Variants in KCNU1 observed in about 807,000 individuals in gnomAD.
The protein encoded by KCNU1 is potassium calcium-activated channel subfamily U member 1.
A neutral mutation model predicts 126.8 loss-of-function variants in KCNU1; 93 were observed. The ratio of observed to expected loss-of-function variants is 0.73; its 90% CI spans 0.62 to 0.87. The LOEUF (loss-of-function observed/expected upper bound fraction) is 0.87, where lower values mean the gene tolerates loss of function less well. KCNU1 is among the 40% of genes least tolerant of loss of function. The probability of loss-of-function intolerance (pLI) is 0.00; values close to 1 mark genes in which losing one functional copy is unlikely to be tolerated. For missense variants in KCNU1, 1,330 were observed against 1,367.1 expected (o/e 0.97, Z 0.43); for synonymous variants, 523 against 494.2 (o/e 1.06, Z -0.77).
chr8:36,825,548 A>C (rs1804287311), intron 10 of KCNU1, among the ~76,000 whole-genome samples: 1 of 152,120 alleles, frequency 6.6e-6, no homozygotes, highest in African/African-American at 2.4e-5. Flanking sequence ...AAAGTAGAAA[A>C]ATTTTGGTAT....
In KCNU1 at chr8:36,847,984, GTTTT is replaced by G. The variant is rs925593703; in HGVS notation, c.1891+2088_1891+2091del. 1.6e-3 allele frequency among the ~76,000 whole-genome samples: 247 copies of G among 152,086 alleles called. 2 individuals carry two copies. Among genetic ancestry groups the G allele is most frequent in the African/African-American group, 4.6e-3 (189 of 41,508 alleles). On this transcript the variant is annotated intron_variant, in intron 18 of 26. Transcript: ENST00000399881. The stretch of plus-strand genomic sequence containing the variant: ...TTGTCAGCATCTATTGTTTTGTTTT[GTTTT>G]TTGTCTTTTTCATGATAGTCATTGT...
At chr8:36,893,410 C>A (rs1019429708) in intron 19 of KCNU1, among the ~76,000 whole-genome samples, 5 of 151,210 alleles carry the variant, frequency 3.3e-5, no homozygotes, top group Non-Finnish European at 7.4e-5. Flanking sequence ...TTTTAAAATG[C>A]CTCCGGAAAA....
chr8:36,841,404 G>A (rs1259571567), intron 16 of KCNU1, among the ~76,000 whole-genome samples: 1 of 152,120 alleles, frequency 6.6e-6, no homozygotes, highest in Non-Finnish European at 1.5e-5. Flanking sequence ...GCAAAGTAAA[G>A]AACAATGCTG....
intron 18 of KCNU1, among the ~76,000 whole-genome samples, chr8:36,854,255 T>C (rs1006397496): frequency 2.0e-5 from 3 of 152,116 alleles, no homozygotes; most frequent in Non-Finnish European, 4.4e-5. Context: ...TGTAGATTAA[T>C]GTTTTTCAAC....
chr8:36,892,287 A>T (rs1322412720), intron 19 of KCNU1, among the ~76,000 whole-genome samples: 1 of 152,028 alleles, frequency 6.6e-6, no homozygotes, highest in African/African-American at 2.4e-5. Flanking sequence ...TGTACTTCTT[A>T]ACTCCAGAAT....
chr8:36,905,930 A>G, intron 20 of KCNU1, 126 bp downstream of exon 20: 1 of 562,266 alleles, frequency 1.8e-6, no homozygotes, highest in Non-Finnish European at 3.2e-6. Flanking sequence ...AAAAAAGAAA[A>G]AAACCCACAT....
chr8:36,785,935 CA>C (rs1266649812), intron 1 of KCNU1, among the ~76,000 whole-genome samples: 1 of 152,044 alleles, frequency 6.6e-6, no homozygotes, highest in Non-Finnish European at 1.5e-5. Context: ...AAATATTTAG[CA>C]AATGTTACAA....
intron 24 of KCNU1, among the ~76,000 whole-genome samples, chr8:36,929,195 A>C (rs1410062129): frequency 6.6e-6 from 1 of 152,080 alleles, no homozygotes; most frequent in Non-Finnish European, 1.5e-5. Context: ...CAGCATGGCC[A>C]ACATGGCAAA....
intron 10 of KCNU1, among the ~76,000 whole-genome samples, chr8:36,820,504 T>C (rs567344765): frequency 9.6e-4 from 145 of 151,446 alleles, no homozygotes; most frequent in Non-Finnish European, 1.5e-3. Context: ...AGCAATAATA[T>C]GGAAGACAGG....
At chr8:36,800,058 T>G (rs979552782) in intron 2 of KCNU1, among the ~76,000 whole-genome samples, 1 of 152,156 alleles carries the variant, frequency 6.6e-6, no homozygotes, top group Non-Finnish European at 1.5e-5. Flanking sequence ...CAGTATAATA[T>G]CCTCTCAAAT....
intron 2 of KCNU1, among the ~76,000 whole-genome samples, chr8:36,790,979 A>G (rs936235647): frequency 2.7e-5 from 4 of 149,526 alleles, no homozygotes; most frequent in African/African-American, 5.0e-5. Context: ...ATAAGGAGGA[A>G]GAGGAAAATA....
intron 10 of KCNU1, among the ~76,000 whole-genome samples, chr8:36,826,155 T>A (rs1406661585): frequency 6.6e-6 from 1 of 151,708 alleles, no homozygotes; most frequent in South Asian, 2.1e-4. Flanking sequence ...AGCCTTTTTC[T>A]TTTTTATTGT....
chr8:36,863,692 G>A (rs762420151), intron 18 of KCNU1, among the ~76,000 whole-genome samples: 43 of 152,108 alleles, frequency 2.8e-4, no homozygotes, highest in Non-Finnish European at 5.4e-4. Flanking sequence ...CTGCATGATT[G>A]TATATCAACA....
intron 22 of KCNU1, among the ~76,000 whole-genome samples, chr8:36,918,484 G>A (rs1198066696): frequency 2.0e-5 from 3 of 151,800 alleles, no homozygotes; most frequent in Non-Finnish European, 2.9e-5. Context: ...GAGCTCAGGA[G>A]TTGGAGCCTG....
chr8:36,891,219 T>A (rs1371814384), intron 19 of KCNU1, among the ~76,000 whole-genome samples: 1 of 151,996 alleles, frequency 6.6e-6, no homozygotes, highest in Non-Finnish European at 1.5e-5. Context: ...TATTAGTGGT[T>A]GCCTTGGAGA....
At chr8:36,841,045 T>TG (rs746955783) in intron 16 of KCNU1, 42 bp downstream of exon 16, 9 of 1,289,896 alleles carry the variant, frequency 7.0e-6, no homozygotes, top group South Asian at 2.6e-5. Flanking sequence ...TTTTTTTTTT[T>TG]TTTTTTTTTT....
chr8:36,830,196 G>A (rs1804480898), intron 10 of KCNU1, among the ~76,000 whole-genome samples: 1 of 150,788 alleles, frequency 6.6e-6, no homozygotes, highest in Admixed American at 6.6e-5. Flanking sequence ...TTAGAAAGAA[G>A]GAAATAAACT....
At chr8:36,929,379 C>A (rs1314134640) in intron 24 of KCNU1, among the ~76,000 whole-genome samples, 3 of 122,224 alleles carry the variant, frequency 2.5e-5, no homozygotes, top group Admixed American at 9.6e-5. Context: ...CAGAGTGAGA[C>A]CCTGTCTCAA....
chr8:36,854,662 T>G (rs1805470007), intron 18 of KCNU1, among the ~76,000 whole-genome samples: 1 of 152,160 alleles, frequency 6.6e-6, no homozygotes, highest in African/African-American at 2.4e-5. Flanking sequence ...TTTAAAGCTC[T>G]TCAAATATAT....
Sources: allele counts gnomAD v4.1 joint callset (sites outside exome capture counted in the v4.1 genomes callset), GRCh38; gene constraint gnomAD v4.1.1; transcripts MANE v1.5; gene names NCBI Gene and HGNC (gene_info 2026-07-23, HGNC 2026-07-21).